The following ZNF521 variants were observed in gnomAD, a reference collection of about 807,000 sequenced individuals.
ZNF521 encodes the protein LYST-interacting protein 3.
In ZNF521, 14 loss-of-function variants were observed where a neutral mutation model predicts 105.5. That is an observed-to-expected ratio of 0.13 (90% CI 0.09 to 0.21). ZNF521 has a LOEUF of 0.21. ZNF521 is among the 10% of genes least tolerant of loss of function. The pLI, the probability that ZNF521 is intolerant of heterozygous loss-of-function variation, is 1.00. For synonymous variants in ZNF521, 635 were observed against 606.0 expected (o/e 1.05, Z -0.70); for missense variants, 1,233 against 1,629.7 (o/e 0.76, Z 4.19).
At chr18:25,282,124 A>C (rs1020925868) in intron 3 of ZNF521, among the ~76,000 whole-genome samples, 2 of 152,194 alleles carry the variant, frequency 1.3e-5, no homozygotes, top group African/African-American at 4.8e-5. Flanking sequence ...TCCAAAAAAC[A>C]ACTCCTCTGC....
At chr18:25,137,143 A>T (rs182956893) in intron 5 of ZNF521, among the ~76,000 whole-genome samples, 50 of 152,328 alleles carry the variant, frequency 3.3e-4, no homozygotes, top group Middle Eastern at 3.4e-3. Flanking sequence ...TTCCTAAAAC[A>T]GCCAAAATCT....
chr18:25,197,382 T>G (rs1568004995), intron 4 of ZNF521, among the ~76,000 whole-genome samples: 2 of 151,882 alleles, frequency 1.3e-5, no homozygotes, highest in African/African-American at 4.8e-5. Context: ...AGCAATGATA[T>G]GCAAATTGGG....
At chr18:25,173,173 T>C (rs2035477097) in intron 5 of ZNF521, among the ~76,000 whole-genome samples, 1 of 152,252 alleles carries the variant, frequency 6.6e-6, no homozygotes, top group South Asian at 2.1e-4. Flanking sequence ...TTAAAATATG[T>C]ACATTCCCAC....
chr18:25,273,320 A>G (rs1909806852), intron 3 of ZNF521: 1 of 150,764 alleles, frequency 6.6e-6, no homozygotes, highest in African/African-American at 2.4e-5. Context: ...TTTGTTGCGC[A>G]GTCACAATAT....
chr18:25,306,844 C>A (rs1912006767), intron 3 of ZNF521, among the ~76,000 whole-genome samples: 1 of 83,786 alleles, frequency 1.2e-5, no homozygotes. Flanking sequence ...AAAACTAAAC[C>A]ACAATTCAAG....
intron 3 of ZNF521, among the ~76,000 whole-genome samples, chr18:25,320,423 G>A (rs754524320): frequency 1.3e-4 from 20 of 152,076 alleles, no homozygotes; most frequent in South Asian, 2.1e-4. Flanking sequence ...CACCTGCCTC[G>A]GCCTCCCAAA....
At chr18:25,115,426 C>T (rs1341454760) in intron 5 of ZNF521, among the ~76,000 whole-genome samples, 1 of 151,984 alleles carries the variant, frequency 6.6e-6, no homozygotes, top group Non-Finnish European at 1.5e-5. Flanking sequence ...TATCTCTTTT[C>T]CCCTTTAAAT....
Position 25,225,986 on chromosome 18 carries a change from T to A in ZNF521, c.1932A>T (p.Thr644=). ...GGTGAGTCTGAAAGCTGTCTAGGGA[T>A]GTGTACTTAGCACCACATTGATTAC... ...YICNQCGAKY[T]SLDSFQTHLK... Residue 644 remains threonine (T), a synonymous_variant, in exon 4 of 8, where the codon ACA becomes ACT. Coordinates refer to ENST00000361524, the MANE Select transcript of ZNF521 (RefSeq NM_015461.3). This position sits in a 1 kb window ranked among gnomAD's most constrained non-coding sequence, Gnocchi z 5.6. 1 of 1,614,184 alleles carries A rather than the reference T, an allele frequency of 6.2e-7. No individual in the cohort carries two copies. Among genetic ancestry groups the A allele is most frequent in the East Asian group, 2.2e-5 (1 of 44,880 alleles).
At chr18:25,191,807 CT>C (rs2035822589) in intron 5 of ZNF521, among the ~76,000 whole-genome samples, 1 of 152,126 alleles carries the variant, frequency 6.6e-6, no homozygotes, top group Non-Finnish European at 1.5e-5. Context: ...TTTAAATTCT[CT>C]TGTTTCATCT....
At chr18:25,303,330 C>T (rs939980470) in intron 3 of ZNF521, among the ~76,000 whole-genome samples, 11 of 150,762 alleles carry the variant, frequency 7.3e-5, no homozygotes, top group African/African-American at 2.7e-4. Context: ...CGGAGTCTCG[C>T]TCTGTCACCA....
At chr18:25,331,110 C>T (rs1913541990) in intron 2 of ZNF521, among the ~76,000 whole-genome samples, 1 of 152,138 alleles carries the variant, frequency 6.6e-6, no homozygotes, top group African/African-American at 2.4e-5. Context: ...CCTTCAGATT[C>T]AACAATGACA....
intron 3 of ZNF521, among the ~76,000 whole-genome samples, chr18:25,289,446 G>A (rs958381782): frequency 5.3e-5 from 8 of 152,050 alleles, no homozygotes; most frequent in Non-Finnish European, 7.3e-5. Flanking sequence ...TGAGGAAGGC[G>A]AGCACGAAGT....
chr18:25,273,139 A>G (rs1293875561), intron 3 of ZNF521, among the ~76,000 whole-genome samples: 1 of 146,954 alleles, frequency 6.8e-6, no homozygotes, highest in Non-Finnish European at 1.5e-5. Context: ...AGGCAGGAGA[A>G]TCACTTGAGC....
At chr18:25,345,148 G>A (rs377671981) in intron 2 of ZNF521, 2 of 152,154 alleles carry the variant, frequency 1.3e-5, no homozygotes, top group South Asian at 4.1e-4. Flanking sequence ...ATAGAGGGAG[G>A]CAGGTACAAA....
intron 7 of ZNF521, among the ~76,000 whole-genome samples, chr18:25,076,632 C>A (rs979746621): frequency 6.6e-6 from 1 of 152,156 alleles, no homozygotes; most frequent in South Asian, 2.1e-4. Context: ...CACTTACAGG[C>A]AGCCTTTATT....
intron 3 of ZNF521, among the ~76,000 whole-genome samples, chr18:25,292,178 T>TA (rs1056900750): frequency 6.6e-6 from 1 of 152,214 alleles, no homozygotes; most frequent in Non-Finnish European, 1.5e-5. Context: ...TACCAACACT[T>TA]ACACATGTCA....
At chr18:25,080,396 ACTCT>A (rs1240105260) in intron 7 of ZNF521, among the ~76,000 whole-genome samples, 1 of 151,640 alleles carries the variant, frequency 6.6e-6, no homozygotes, top group African/African-American at 2.4e-5. Context: ...ACAGAACACT[ACTCT>A]CTCTCTCCAA....
chr18:25,083,324 A>G (rs2033544532), intron 7 of ZNF521, among the ~76,000 whole-genome samples: 1 of 152,234 alleles, frequency 6.6e-6, no homozygotes, highest in African/African-American at 2.4e-5. Context: ...GATATGACTC[A>G]TTGCAAAATT....
intron 3 of ZNF521, among the ~76,000 whole-genome samples, chr18:25,238,529 T>C (rs568992679): frequency 2.6e-5 from 4 of 152,206 alleles, no homozygotes; most frequent in Admixed American, 6.5e-5. Context: ...GGATCAGGTA[T>C]TGACAAAGCA....
Sources: gnomAD v4.1 joint callset for allele counts (sites outside exome capture counted in the v4.1 genomes callset) on GRCh38, gnomAD v4.1.1 for gene constraint, Gnocchi (gnomAD v3.1) non-coding constraint, MANE v1.5 for transcripts, NCBI Gene and HGNC (gene_info 2026-07-23, HGNC 2026-07-21) for gene names.